The following GPATCH8 variants were observed in gnomAD, a reference collection of about 807,000 sequenced individuals.
GPATCH8 encodes the protein G-patch domain containing 8.
A neutral mutation model predicts 118.3 loss-of-function variants in GPATCH8; 18 were observed. The ratio of observed to expected loss-of-function variants is 0.15; its 90% CI spans 0.11 to 0.23. The LOEUF is 0.23. Among genes scored for constraint, GPATCH8 ranks in the 10% least tolerant of loss-of-function variants. The pLI, the probability that GPATCH8 is intolerant of heterozygous loss-of-function variation, is 1.00. For missense variants in GPATCH8, 1,631 were observed against 1,873.8 expected (o/e 0.87, Z 2.39); for synonymous variants, 659 against 684.7 (o/e 0.96, Z 0.59).
intron 1 of GPATCH8, among the ~76,000 whole-genome samples, chr17:44,477,964 C>T (rs1967910822): frequency 6.7e-6 from 1 of 148,774 alleles, no homozygotes; most frequent in Non-Finnish European, 1.5e-5. Flanking sequence ...CACACGCCAC[C>T]ACACCTGGCT....
chr17:44,441,112 T>C (rs2144083850), intron 3 of GPATCH8, among the ~76,000 whole-genome samples: 1 of 152,280 alleles, frequency 6.6e-6, no homozygotes, highest in South Asian at 2.1e-4. Flanking sequence ...CCTCCCAAAG[T>C]GCTGGGATTA....
At chr17:44,456,850 G>C (rs116113005) in intron 3 of GPATCH8, among the ~76,000 whole-genome samples, 2,491 of 151,876 alleles carry the variant, frequency 0.016, 60 homozygotes, top group African/African-American at 0.051. Flanking sequence ...TTTTTGAATA[G>C]TAATACAAGT....
At chr17:44,481,496 T>C (rs1207047219) in intron 1 of GPATCH8, among the ~76,000 whole-genome samples, 1 of 152,136 alleles carries the variant, frequency 6.6e-6, no homozygotes, top group Non-Finnish European at 1.5e-5. Context: ...ATATAGGACA[T>C]TCTGGAAAAA....
chr17:44,410,299 C>T (rs530276331), intron 6 of GPATCH8, among the ~76,000 whole-genome samples: 4 of 152,320 alleles, frequency 2.6e-5, no homozygotes, highest in African/African-American at 4.8e-5. Flanking sequence ...TAGATAATTT[C>T]TTCAGGTGAG....
chr17:44,489,260 C>T (rs1969039964), intron 1 of GPATCH8, among the ~76,000 whole-genome samples: 1 of 151,800 alleles, frequency 6.6e-6, no homozygotes, highest in South Asian at 2.1e-4. Flanking sequence ...AACCACCATG[C>T]AATTGGAAAT....
chr17:44,465,851 A>T (rs1179965980), intron 2 of GPATCH8: 5 of 152,158 alleles, frequency 3.3e-5, no homozygotes, highest in African/African-American at 9.7e-5. Context: ...AAAGAAAAAC[A>T]TTTTTTTACT....
chr17:44,450,056 AC>A (rs2051058175), intron 3 of GPATCH8, among the ~76,000 whole-genome samples: 1 of 152,168 alleles, frequency 6.6e-6, no homozygotes, highest in African/African-American at 2.4e-5. Context: ...TTAATTCCTG[AC>A]ACCCCCAAAT....
Position 44,487,099 on chromosome 17 carries a change from T to C in GPATCH8, c.46-12196A>G, listed in dbSNP as rs144519149. Among the ~76,000 whole-genome samples the C allele has an allele frequency of 9.2e-5, 14 of 152,348 alleles. No individual in the cohort carries two copies. In the East Asian group the frequency reaches 2.3e-3, roughly 25 times the overall value. On this transcript the variant is annotated intron_variant, in intron 1 of 7. Coordinates refer to ENST00000591680, the MANE Select transcript of GPATCH8 (RefSeq NM_001002909.4). ...GTATACAGACATTTATCTACCATTA[T>C]AGTATCATAGAGAATAATTTCACTG...
chr17:44,495,265 T>G (rs1327170662), intron 1 of GPATCH8, among the ~76,000 whole-genome samples: 3 of 151,928 alleles, frequency 2.0e-5, no homozygotes, highest in Non-Finnish European at 4.4e-5. Flanking sequence ...ACCCAGGAGG[T>G]GGAGGTTGCA....
intron 2 of GPATCH8, among the ~76,000 whole-genome samples, chr17:44,466,547 C>G (rs1050384020): frequency 1.3e-5 from 2 of 152,130 alleles, no homozygotes; most frequent in African/African-American, 4.8e-5. Flanking sequence ...TCCCTTCCCC[C>G]CTCCTAACTG....
chr17:44,488,219 G>A (rs1320761454), intron 1 of GPATCH8, among the ~76,000 whole-genome samples: 13 of 116,518 alleles, frequency 1.1e-4, no homozygotes, highest in African/African-American at 3.5e-4. Flanking sequence ...CACCGTGCCT[G>A]ACCCTTTTTT....
At chr17:44,434,420 G>A (rs1413255630) in intron 5 of GPATCH8, among the ~76,000 whole-genome samples, 1 of 152,050 alleles carries the variant, frequency 6.6e-6, no homozygotes, top group African/African-American at 2.4e-5. Flanking sequence ...AACAAGAAAG[G>A]GGGTCAAGCG....
At chr17:44,430,655 T>C (rs2050272790) in intron 5 of GPATCH8, among the ~76,000 whole-genome samples, 1 of 152,080 alleles carries the variant, frequency 6.6e-6, no homozygotes, top group Non-Finnish European at 1.5e-5. Flanking sequence ...ATTTTTTTTT[T>C]TGAGATAGAG....
intron 4 of GPATCH8, 130 bp downstream of exon 4, chr17:44,436,348 A>T: frequency 1.5e-6 from 1 of 689,532 alleles, no homozygotes; most frequent in Admixed American, 2.1e-5. Context: ...TATATTTTTT[A>T]GTCATCCAAA....
intron 1 of GPATCH8, among the ~76,000 whole-genome samples, chr17:44,480,545 G>A (rs967578963): frequency 4.0e-5 from 6 of 151,886 alleles, no homozygotes; most frequent in Non-Finnish European, 5.9e-5. Context: ...GAGAAACCTC[G>A]TCTCTACTAA....
intron 3 of GPATCH8, among the ~76,000 whole-genome samples, chr17:44,438,874 G>A (rs781442950): frequency 6.6e-6 from 1 of 152,150 alleles, no homozygotes; most frequent in African/African-American, 2.4e-5. Context: ...TACAGCAGCT[G>A]TTTTCATACT....
intron 1 of GPATCH8, chr17:44,486,728 G>A (rs1008144004): frequency 2.6e-5 from 4 of 152,014 alleles, no homozygotes; most frequent in East Asian, 1.9e-4. Flanking sequence ...TCCTTTCTCC[G>A]TTTCATTTCT....
chr17:44,462,709 G>A (rs1377928341), intron 3 of GPATCH8, among the ~76,000 whole-genome samples: 4 of 152,052 alleles, frequency 2.6e-5, no homozygotes, highest in South Asian at 2.1e-4. Flanking sequence ...CTGGCCAGGC[G>A]CGGTGGCTCA....
At chr17:44,499,155 G>T (rs1477569774) in intron 1 of GPATCH8, among the ~76,000 whole-genome samples, 1 of 152,092 alleles carries the variant, frequency 6.6e-6, no homozygotes, top group Non-Finnish European at 1.5e-5. Flanking sequence ...TATTACTGTA[G>T]TTCCTTTTCA....
Sources: gnomAD v4.1 joint callset for allele counts (sites outside exome capture counted in the v4.1 genomes callset) on GRCh38, gnomAD v4.1.1 for gene constraint, MANE v1.5 for transcripts, NCBI Gene and HGNC (gene_info 2026-07-23, HGNC 2026-07-21) for gene names.